The following PECAM1 variants were observed in gnomAD, a reference collection of about 807,000 sequenced individuals.
The protein encoded by PECAM1 is platelet endothelial cell adhesion molecule.
In PECAM1, 8 loss-of-function variants were observed where a neutral mutation model predicts 13.8. That is an observed-to-expected ratio of 0.58 (90% confidence interval 0.34 to 1.05). The LOEUF (loss-of-function observed/expected upper bound fraction) is 1.05, where lower values mean the gene tolerates loss of function less well. PECAM1 is among the 50% of genes least tolerant of loss of function. PECAM1 has a pLI of 0.03. For missense variants in PECAM1, 304 were observed against 141.2 expected, an observed-to-expected ratio of 2.15 and a Z score of -5.84; for synonymous variants, 136 against 52.6, an observed-to-expected ratio of 2.58 and a Z score of -6.86.
chr17:64,341,781 G>C (rs1205710238), intron 13 of PECAM1, 91 bp from the exon 14 acceptor site: 2 of 408,346 alleles, frequency 4.9e-6, no homozygotes, highest in Non-Finnish European at 8.9e-6. Flanking sequence ...GGCTCTGCAG[G>C]CAAGGCTGTA....
intron 4 of PECAM1, among the ~76,000 whole-genome samples, chr17:64,374,157 A>C (rs893795754): frequency 6.6e-6 from 1 of 152,194 alleles, no homozygotes; most frequent in Non-Finnish European, 1.5e-5. Context: ...ACTACAGATC[A>C]CATAATGCAT....
intron 15 of PECAM1, among the ~76,000 whole-genome samples, chr17:64,328,410 C>G (rs1214417916): frequency 6.6e-6 from 1 of 152,224 alleles, no homozygotes; most frequent in Non-Finnish European, 1.5e-5. Flanking sequence ...GGCCTGGGCT[C>G]TGTTCCTCAC....
chr17:64,386,403 C>CAAAAA (rs59994359), intron 2 of PECAM1, among the ~76,000 whole-genome samples: 1 of 113,142 alleles, frequency 8.8e-6, no homozygotes. Context: ...GAGACTCTGT[C>CAAAAA]AAAAAAAAAA....
intron 5 of PECAM1, among the ~76,000 whole-genome samples, chr17:64,367,134 C>G (rs2036127032): frequency 6.6e-6 from 1 of 152,076 alleles, no homozygotes; most frequent in Non-Finnish European, 1.5e-5. Flanking sequence ...TGCAGGTTCT[C>G]TCTGTGGCGG....
chr17:64,351,418 A>C (rs1004889695), intron 11 of PECAM1, among the ~76,000 whole-genome samples: 3 of 152,202 alleles, frequency 2.0e-5, no homozygotes, highest in Non-Finnish European at 4.4e-5. Context: ...TCTATGACCA[A>C]ACCTGCTGAT....
At chr17:64,385,813 C>T (rs1228947253) in intron 2 of PECAM1, among the ~76,000 whole-genome samples, 5 of 152,130 alleles carry the variant, frequency 3.3e-5, no homozygotes, top group Admixed American at 6.5e-5. Context: ...AAGAGAACAG[C>T]GTGTCCCAGG....
chr17:64,354,871 A>G, intron 9 of PECAM1, 62 bp downstream of exon 9: 2 of 472,698 alleles, frequency 4.2e-6, no homozygotes, highest in Non-Finnish European at 7.8e-6. Context: ...AGCACCACGC[A>G]TCCCTGGCTG....
chr17:64,343,853 C>T (rs1014055357), intron 13 of PECAM1, among the ~76,000 whole-genome samples: 2 of 152,184 alleles, frequency 1.3e-5, no homozygotes, highest in African/African-American at 2.4e-5. Context: ...GGATCCCCAA[C>T]CCTATTGGGG....
At chr17:64,343,866 T>A (rs1313625355) in intron 13 of PECAM1, among the ~76,000 whole-genome samples, 2 of 152,048 alleles carry the variant, frequency 1.3e-5, no homozygotes, top group Admixed American at 6.6e-5. Flanking sequence ...TATTGGGGGA[T>A]CCTCCACATC....
chr17:64,369,025 C>T (rs1241401717), intron 5 of PECAM1, among the ~76,000 whole-genome samples: 4 of 147,228 alleles, frequency 2.7e-5, no homozygotes, highest in Non-Finnish European at 4.5e-5. Context: ...CAGCCTCTGC[C>T]TCCCGGGTTC....
intron 14 of PECAM1, among the ~76,000 whole-genome samples, chr17:64,338,673 T>A (rs2035346965): frequency 6.6e-6 from 1 of 152,164 alleles, no homozygotes. Context: ...TTCTCCTGCC[T>A]CAACCTCCCG....
At chr17:64,325,839 T>C (rs1446002352) in intron 15 of PECAM1, among the ~76,000 whole-genome samples, 2 of 152,234 alleles carry the variant, frequency 1.3e-5, no homozygotes, top group Non-Finnish European at 2.9e-5. Flanking sequence ...TCAAATGGTA[T>C]TTGTGTCACC....
rs2143877674 is a variant in PECAM1, at chr17:64,377,762, T to A, written c.385+62A>T. The A allele has an allele frequency of 6.3e-6, 3 of 472,740 alleles. No homozygotes were observed. The East Asian group carries it at 9.4e-5, about 15-fold the overall frequency. The allele number at this position is 472,740 out of a possible 1,614,324, so 29.3% of individuals were successfully genotyped here. ...CAGTGTCACTATTCATTCACAGCTG[T>A]TATTCACGCCACTGTGTGCTATGCT... On this transcript the variant is annotated intron_variant, in intron 3 of 15. Coordinates refer to ENST00000563924, the MANE Select transcript of PECAM1 (RefSeq NM_000442.5).
intron 4 of PECAM1, among the ~76,000 whole-genome samples, chr17:64,371,952 G>A (rs2143854091): frequency 6.6e-6 from 1 of 152,212 alleles, no homozygotes; most frequent in South Asian, 2.1e-4. Context: ...GATTCACAAT[G>A]AAAATGACAA....
intron 3 of PECAM1, chr17:64,377,532 AC>A (rs1295382092): frequency 5.5e-6 from 1 of 181,024 alleles, no homozygotes; most frequent in African/African-American, 2.4e-5. Flanking sequence ...AATCGCTTGA[AC>A]CTGGGAGGCA....
rs72236584 is a variant in PECAM1, at chr17:64,349,587, C to CA, written c.2044+792dup. 9.7e-3 allele frequency among the ~76,000 whole-genome samples: 625 copies of CA among 64,144 alleles called. 36 individuals carry two copies. The highest frequency in any genetic ancestry group is 0.028 in the African/African-American group (577 of 20,668). 42.1% of individuals were successfully genotyped at this position (64,144 alleles called of 152,430 possible). A position where few individuals can be genotyped will look rare whatever the true frequency, so the allele number is the denominator to read the frequency against. Reference sequence around the variant, plus strand: ...TGGGTGACAGAGTAAGACTCTGTATCAAAAAAAAAAAAAAAAGAGCCAGGC... The same window carrying CA: ...TGGGTGACAGAGTAAGACTCTGTATCAAAAAAAAAAAAAAAAAGAGCCAGGC... On this transcript the variant is annotated intron_variant, in intron 12 of 15. Coordinates refer to ENST00000563924, the MANE Select transcript of PECAM1 (RefSeq NM_000442.5).
chr17:64,333,512 G>A (rs2035183802), intron 14 of PECAM1, among the ~76,000 whole-genome samples: 1 of 152,026 alleles, frequency 6.6e-6, no homozygotes, highest in Non-Finnish European at 1.5e-5. Context: ...GGTATCCCTG[G>A]CCTCTCTCCA....
chr17:64,347,402 A>G (rs2035596146), intron 13 of PECAM1, among the ~76,000 whole-genome samples: 1 of 150,538 alleles, frequency 6.6e-6, no homozygotes, highest in South Asian at 2.1e-4. Context: ...GTGGCGGTGC[A>G]TGCCTGTAAT....
At chr17:64,376,369 A>G (rs1164731458) in intron 3 of PECAM1, among the ~76,000 whole-genome samples, 1 of 152,134 alleles carries the variant, frequency 6.6e-6, no homozygotes, top group Non-Finnish European at 1.5e-5. Context: ...GTCAAGATGT[A>G]CTTGGTGTTT....
Sources: gnomAD v4.1 joint callset for allele counts (sites outside exome capture counted in the v4.1 genomes callset) on GRCh38, gnomAD v4.1.1 for gene constraint, MANE v1.5 for transcripts, NCBI Gene and HGNC (gene_info 2026-07-23, HGNC 2026-07-21) for gene names.